Variants in PTPRO observed in about 807,000 individuals in gnomAD.
The protein encoded by PTPRO is receptor-type tyrosine-protein phosphatase O.
Under a neutral mutation model 145.2 loss-of-function variants are expected in PTPRO, and 62 were observed. The ratio of observed to expected loss-of-function variants is 0.43; its 90% CI spans 0.35 to 0.53. The LOEUF is 0.53. PTPRO is among the 20% of genes least tolerant of loss of function. The pLI is 0.01. For synonymous variants in PTPRO, 565 were observed against 514.7 expected (o/e 1.10, Z -1.32); for missense variants, 1,345 against 1,482.7 (o/e 0.91, Z 1.53).
intron 5 of PTPRO, 150 bp downstream of exon 5, chr12:15,502,213 C>A: frequency 1.2e-6 from 1 of 808,376 alleles, no homozygotes; most frequent in Non-Finnish European, 1.9e-6. Flanking sequence ...ATTGAGTATC[C>A]AATGCAGACT....
chr12:15,588,915 C>T (rs907636459), intron 24 of PTPRO, among the ~76,000 whole-genome samples: 9 of 152,086 alleles, frequency 5.9e-5, no homozygotes, highest in East Asian at 3.8e-4. Flanking sequence ...CTCTCAGGAA[C>T]GTAGCCATGA....
At chr12:15,475,490 T>C (rs1190658743) in intron 1 of PTPRO, among the ~76,000 whole-genome samples, 1 of 152,258 alleles carries the variant, frequency 6.6e-6, no homozygotes. Flanking sequence ...TGTATATGAT[T>C]TCTATTTATA....
At chr12:15,565,029 C>T (rs1419340273) in intron 17 of PTPRO, among the ~76,000 whole-genome samples, 1 of 152,156 alleles carries the variant, frequency 6.6e-6, no homozygotes, top group African/African-American at 2.4e-5. Context: ...GTAATAGGTC[C>T]AGTTCTTCAG....
At chr12:15,509,794 A>C (rs569147985) in intron 7 of PTPRO, among the ~76,000 whole-genome samples, 2 of 152,180 alleles carry the variant, frequency 1.3e-5, no homozygotes, top group South Asian at 2.1e-4. Flanking sequence ...TGCACAGAGG[A>C]GAGTGAGGGG....
intron 12 of PTPRO, among the ~76,000 whole-genome samples, chr12:15,542,135 T>G (rs1943193635): frequency 6.6e-6 from 1 of 152,210 alleles, no homozygotes; most frequent in Admixed American, 6.5e-5. Flanking sequence ...TTTGATGTCA[T>G]TGTATTCCCT....
chr12:15,349,224 A>C (rs1250744819), intron 1 of PTPRO, among the ~76,000 whole-genome samples: 1 of 152,200 alleles, frequency 6.6e-6, no homozygotes, highest in African/African-American at 2.4e-5. Flanking sequence ...AAACCATTTT[A>C]AGATGGGTCC....
chr12:15,416,350 C>T (rs1211710047), intron 1 of PTPRO, among the ~76,000 whole-genome samples: 4 of 146,570 alleles, frequency 2.7e-5, no homozygotes, highest in African/African-American at 7.7e-5. Context: ...GACAGAGTCT[C>T]GCTCTGTCGC....
At chr12:15,525,192 A>G (rs948895380) in intron 11 of PTPRO, among the ~76,000 whole-genome samples, 2 of 152,178 alleles carry the variant, frequency 1.3e-5, no homozygotes, top group African/African-American at 4.8e-5. Context: ...GATTTCATTT[A>G]TATTTAGAAT....
chr12:15,544,023 A>G (rs1943228456), intron 12 of PTPRO, among the ~76,000 whole-genome samples: 1 of 152,206 alleles, frequency 6.6e-6, no homozygotes, highest in African/African-American at 2.4e-5. Flanking sequence ...TGGATGTGAT[A>G]CCACAGACAA....
chr12:15,533,579 G>A (rs955582400), intron 12 of PTPRO, among the ~76,000 whole-genome samples: 16 of 152,062 alleles, frequency 1.1e-4, no homozygotes, highest in African/African-American at 3.4e-4. Context: ...ATATTTAATC[G>A]GAACAAGTTT....
In PTPRO at chr12:15,427,013, C is replaced by T. The variant is rs546289260; in HGVS notation, c.76-56961C>T. 2.0e-3 allele frequency among the ~76,000 whole-genome samples: 304 copies of T among 152,062 alleles called. 2 individuals are homozygous for T. Among genetic ancestry groups the T allele is most frequent in the African/African-American group, 7.0e-3 (292 of 41,518 alleles). ...TTTTTCAATTACTTCTTTGACACAG[C>T]GTAGCAGGTCAGAAAACTGGTTCTT... On this transcript the variant is annotated intron_variant, in intron 1 of 26. Coordinates refer to ENST00000281171, the MANE Select transcript of PTPRO (RefSeq NM_030667.3).
At chr12:15,437,532 A>G (rs1226595056) in intron 1 of PTPRO, among the ~76,000 whole-genome samples, 2 of 152,228 alleles carry the variant, frequency 1.3e-5, no homozygotes, top group East Asian at 3.9e-4. Flanking sequence ...ATTTATGGAC[A>G]TAGATCATGG....
At chr12:15,459,486 T>C (rs563075778) in intron 1 of PTPRO, among the ~76,000 whole-genome samples, 2 of 152,318 alleles carry the variant, frequency 1.3e-5, no homozygotes, top group East Asian at 3.9e-4. Context: ...CATATAGCAA[T>C]ACACTGAGGG....
intron 15 of PTPRO, among the ~76,000 whole-genome samples, chr12:15,556,872 C>T (rs1312512564): frequency 6.6e-6 from 1 of 152,112 alleles, no homozygotes; most frequent in Admixed American, 6.5e-5. Flanking sequence ...CTTTTAGAAT[C>T]ATGAATGCCC....
At chr12:15,589,406 A>G in intron 24 of PTPRO, 49 bp from the exon 25 acceptor site, 1 of 1,612,964 alleles carries the variant, frequency 6.2e-7, no homozygotes, top group Non-Finnish European at 8.5e-7. Flanking sequence ...GGGGGAGAAA[A>G]AAAAGAAGCA....
intron 19 of PTPRO, among the ~76,000 whole-genome samples, chr12:15,569,703 G>A (rs1484388576): frequency 2.6e-5 from 4 of 151,916 alleles, no homozygotes; most frequent in Non-Finnish European, 4.4e-5. Context: ...TGAGATGAGG[G>A]GAAGAAGAGA....
At chr12:15,477,614 AAGGGT>A (rs1022578660) in intron 1 of PTPRO, among the ~76,000 whole-genome samples, 43 of 152,166 alleles carry the variant, frequency 2.8e-4, no homozygotes, top group African/African-American at 1.0e-3. Flanking sequence ...CTGTAGCAGC[AAGGGT>A]ATGGGGGCAT....
intron 8 of PTPRO, 128 bp from the exon 9 acceptor site, chr12:15,516,635 A>AAGGAAGGAAGGAAGGG: frequency 1.5e-6 from 1 of 684,424 alleles, no homozygotes; most frequent in Non-Finnish European, 2.5e-6. Flanking sequence ...GGAAGGAAGG[A>AAGGAAGGAAGGAAGGG]AGGGAGGGAG....
chr12:15,375,857 G>A (rs1470657692), intron 1 of PTPRO, among the ~76,000 whole-genome samples: 2 of 151,706 alleles, frequency 1.3e-5, no homozygotes, highest in African/African-American at 2.4e-5. Context: ...GAATATTTGA[G>A]TTTACTCAAC....
Sources: allele counts gnomAD v4.1 joint callset (sites outside exome capture counted in the v4.1 genomes callset), GRCh38; gene constraint gnomAD v4.1.1; transcripts MANE v1.5; gene names NCBI Gene and HGNC (gene_info 2026-07-23, HGNC 2026-07-21).